Variants in AXL observed in about 807,000 individuals in gnomAD.
AXL encodes the protein AXL receptor tyrosine kinase.
In AXL, 52 loss-of-function variants were observed where a neutral mutation model predicts 104.5. That is an observed-to-expected ratio of 0.50 (90% CI 0.40 to 0.63). The LOEUF (loss-of-function observed/expected upper bound fraction) is 0.63. Ranked by LOEUF, AXL falls within the 20% of genes least tolerant of loss-of-function variation. The probability of loss-of-function intolerance (pLI) is 0.00; values close to 1 mark genes in which losing one functional copy is unlikely to be tolerated. For synonymous variants in AXL, 455 were observed against 473.7 expected, an observed-to-expected ratio of 0.96 and a Z score of 0.51; for missense variants, 1,024 against 1,188.5, an observed-to-expected ratio of 0.86 and a Z score of 2.04.
chr19:41,236,225 C>T (rs1038040062), intron 6 of AXL, among the ~76,000 whole-genome samples: 2 of 150,494 alleles, frequency 1.3e-5, no homozygotes, highest in Admixed American at 6.6e-5. Context: ...CCCAGCTACT[C>T]GAGAGGCTGA....
At chr19:41,250,742 A>G (rs1402885585) in intron 14 of AXL, among the ~76,000 whole-genome samples, 1 of 152,026 alleles carries the variant, frequency 6.6e-6, no homozygotes, top group Non-Finnish European at 1.5e-5. Flanking sequence ...CACCCAGCCT[A>G]CGTTTTTTGT....
At chr19:41,221,080 G>T in intron 2 of AXL, 66 bp from the exon 3 acceptor site, 1 of 1,469,290 alleles carries the variant, frequency 6.8e-7, no homozygotes, top group South Asian at 1.2e-5. Flanking sequence ...TTTCCGTTCT[G>T]ACAGACCCCC....
At chr19:41,254,261 G>GGT in intron 17 of AXL, among the ~76,000 whole-genome samples, 1 of 151,306 alleles carries the variant, frequency 6.6e-6, no homozygotes, top group Non-Finnish European at 1.5e-5. Context: ...CTGGTGCGGT[G>GGT]GTGTGCGCCT....
intron 12 of AXL, among the ~76,000 whole-genome samples, chr19:41,247,272 G>A (rs563217304): frequency 1.3e-5 from 2 of 152,282 alleles, no homozygotes; most frequent in South Asian, 4.1e-4. Context: ...CCAACACTTT[G>A]GGAGGCCAAG....
chr19:41,248,841 T>C (rs2034314894), intron 14 of AXL, 21 bp downstream of exon 14: 1 of 1,582,884 alleles, frequency 6.3e-7, no homozygotes, highest in Non-Finnish European at 8.6e-7. Context: ...TGCACATGTG[T>C]AGGACCCCCA....
At position 41,221,270 on chromosome 19, in the gene AXL, T is replaced by G. The variant is rs746215932; in HGVS notation, c.409+24T>G. The G allele has an allele frequency of 9.4e-6, 15 of 1,604,082 alleles. No individual in the cohort carries two copies. In the East Asian group the frequency reaches 2.2e-4, roughly 24 times the overall value. On this transcript the variant is annotated intron_variant, in intron 3 of 19. Coordinates refer to ENST00000301178, the MANE Select transcript of AXL (RefSeq NM_021913.5). ...GGGTGAGCTCTGGGGTCAGGGGTCC[T>G]GAGGGGTCAGAGGACATGTGGCGCT...
rs2122279855 is a variant in AXL, at chr19:41,253,633, C to T, written c.1961C>T (p.Ala654Val). The change falls in exon 17 of 20, where the codon GCA becomes GTA. Residue 654 changes from alanine to valine, a missense_variant. By Grantham distance (64) the Ala-to-Val change is moderately conservative (BLOSUM62 0). This residue lies in a region of AXL where 523 missense variants were observed against 636.0 expected (regional missense o/e 0.82). Coordinates refer to ENST00000301178, the MANE Select transcript of AXL (RefSeq NM_021913.5). ...ACTCAGATGCTAGTGAAGTTCATGG[C>T]AGACATCGCCAGTGGCATGGAGTAT... The part of the protein sequence containing the change: ...LPTQMLVKFM[A>V]DIASGMEYLS... 2 of 1,613,858 alleles carry T rather than the reference C, an allele frequency of 1.2e-6. No individual in the cohort carries two copies. Among genetic ancestry groups the T allele is most frequent in the Non-Finnish European group, 1.7e-6 (2 of 1,179,940 alleles).
At chr19:41,252,655 C>T (rs993193129) in intron 15 of AXL, among the ~76,000 whole-genome samples, 191 bp from the exon 16 acceptor site, 3 of 152,164 alleles carry the variant, frequency 2.0e-5, no homozygotes, top group Non-Finnish European at 4.4e-5. Flanking sequence ...AGGAGGGCTC[C>T]GGAAACGTCC....
intron 12 of AXL, among the ~76,000 whole-genome samples, chr19:41,244,321 T>C (rs550377612): frequency 1.3e-5 from 2 of 152,146 alleles, no homozygotes; most frequent in African/African-American, 4.8e-5. Context: ...AAAATGATGA[T>C]GATGATGAAA....
chr19:41,228,689 G>C (rs2033924766), intron 4 of AXL, among the ~76,000 whole-genome samples: 1 of 152,184 alleles, frequency 6.6e-6, no homozygotes, highest in Admixed American at 6.5e-5. Flanking sequence ...CATTCAACAA[G>C]CATTTATGGC....
chr19:41,229,238 C>T (rs948948250), intron 4 of AXL, among the ~76,000 whole-genome samples: 3 of 151,544 alleles, frequency 2.0e-5, no homozygotes, highest in Non-Finnish European at 2.9e-5. Context: ...CATGAACCAC[C>T]GTGCCCAGCC....
intron 12 of AXL, among the ~76,000 whole-genome samples, chr19:41,244,866 G>A (rs1265732470): frequency 2.0e-5 from 3 of 151,888 alleles, no homozygotes; most frequent in Admixed American, 6.6e-5. Flanking sequence ...ACTTGCCCAA[G>A]GCCACACAGC....
At chr19:41,248,848 C>T in intron 14 of AXL, 28 bp downstream of exon 14, 2 of 1,566,992 alleles carry the variant, frequency 1.3e-6, no homozygotes, top group South Asian at 2.3e-5. Context: ...GTGTAGGACC[C>T]CCAGCTCCTT....
chr19:41,228,701 C>T (rs1185051470), intron 4 of AXL, among the ~76,000 whole-genome samples: 2 of 152,204 alleles, frequency 1.3e-5, no homozygotes, highest in African/African-American at 4.8e-5. Flanking sequence ...ATTTATGGCA[C>T]ACCTATTGTG....
chr19:41,232,271 T>G (rs1272054002), intron 6 of AXL, among the ~76,000 whole-genome samples: 3 of 152,120 alleles, frequency 2.0e-5, no homozygotes, highest in Non-Finnish European at 1.5e-5. Flanking sequence ...GAAGGATATA[T>G]TACAACCCAG....
chr19:41,225,004 T>G (rs1000607848), intron 4 of AXL, among the ~76,000 whole-genome samples: 2 of 152,178 alleles, frequency 1.3e-5, no homozygotes, highest in Admixed American at 6.5e-5. Context: ...TTTTTTTGTT[T>G]TTTGGGGTTT....
chr19:41,223,488 G>T (rs529845571), intron 4 of AXL, among the ~76,000 whole-genome samples: 6 of 152,304 alleles, frequency 3.9e-5, no homozygotes, highest in African/African-American at 1.4e-4. Flanking sequence ...AGGAAAGACA[G>T]AGGAGCAGAT....
intron 4 of AXL, among the ~76,000 whole-genome samples, chr19:41,223,938 G>A (rs138335404): frequency 1.6e-3 from 248 of 151,652 alleles, no homozygotes; most frequent in Non-Finnish European, 2.1e-3. Context: ...GTGCCTTGGC[G>A]AGGGTGGACT....
Position 41,239,156 on chromosome 19 carries a change from C to T in AXL, c.1135-8C>T, listed in dbSNP as rs375201722. 5.2e-5 allele frequency: 84 copies of T among 1,612,844 alleles called. 1 individual carries two copies. Among genetic ancestry groups the T allele is most frequent in the Non-Finnish European group, 6.9e-5 (81 of 1,179,368 alleles). On this transcript the variant is annotated splice_region_variant and splice_polypyrimidine_tract_variant and intron_variant, in intron 8 of 19. Transcript: ENST00000301178. ...GTTCTACCCTGATGCCACTTCTGGA[C>T]CTCCTAGGTGCTAATGGACATAGGG...
Sources: allele counts gnomAD v4.1 joint callset (sites outside exome capture counted in the v4.1 genomes callset), GRCh38; gene constraint gnomAD v4.1.1; regional missense constraint gnomAD v4.1.1; transcripts MANE v1.5; gene names NCBI Gene and HGNC (gene_info 2026-07-23, HGNC 2026-07-21).